The following NDC80 variants were observed in gnomAD, a reference collection of about 807,000 sequenced individuals.
NDC80 encodes NDC80 kinetochore complex component.
In NDC80, 69 loss-of-function variants were observed where a neutral mutation model predicts 89.3. That is an observed-to-expected ratio of 0.77 (90% CI 0.64 to 0.94). The LOEUF (loss-of-function observed/expected upper bound fraction) is 0.94, where lower values mean the gene tolerates loss of function less well. Ranked by LOEUF, NDC80 falls within the 40% of genes least tolerant of loss-of-function variation. The pLI is 0.00. For missense variants in NDC80, 593 were observed against 739.6 expected (o/e 0.80, Z 2.30); for synonymous variants, 243 against 255.6 (o/e 0.95, Z 0.47).
At chr18:2,607,965 G>GTATGTATATATATATA (rs1555618975) in intron 14 of NDC80, among the ~76,000 whole-genome samples, 1 of 68,152 alleles carries the variant, frequency 1.5e-5, no homozygotes, top group African/African-American at 5.6e-5. Context: ...TATATACATA[G>GTATGTATATATATATA]TATATATATA....
intron 13 of NDC80, among the ~76,000 whole-genome samples, chr18:2,604,070 A>G (rs1026781573): frequency 1.3e-5 from 2 of 152,238 alleles, no homozygotes; most frequent in Non-Finnish European, 2.9e-5. Context: ...TATGCAGCAA[A>G]TATTTTTTGA....
intron 11 of NDC80, 67 bp from the exon 12 acceptor site, chr18:2,598,952 A>G: frequency 1.4e-6 from 2 of 1,403,610 alleles, no homozygotes; most frequent in Non-Finnish European, 1.9e-6. Context: ...AATTTTAGAA[A>G]TGTCAATTGA....
At chr18:2,600,620 C>CAG (rs1213985618) in intron 12 of NDC80, among the ~76,000 whole-genome samples, 2 of 150,182 alleles carry the variant, frequency 1.3e-5, no homozygotes, top group Non-Finnish European at 3.0e-5. Context: ...AAAAAAAAAA[C>CAG]AGAGAGAGAG....
intron 6 of NDC80, 100 bp downstream of exon 6, chr18:2,579,129 T>G (rs192174728): frequency 2.1e-5 from 13 of 606,940 alleles, no homozygotes; most frequent in Middle Eastern, 3.2e-4. Flanking sequence ...TCTCAAAGTC[T>G]GCTTCAGAGT....
At chr18:2,598,217 A>G (rs558953943) in intron 11 of NDC80, among the ~76,000 whole-genome samples, 8 of 152,202 alleles carry the variant, frequency 5.3e-5, no homozygotes, top group South Asian at 2.1e-4. Flanking sequence ...TGGATGGGTA[A>G]TAACAATGAG....
intron 6 of NDC80, among the ~76,000 whole-genome samples, chr18:2,584,358 ATATT>A (rs1259374340): frequency 7.9e-5 from 12 of 151,084 alleles, no homozygotes; most frequent in Non-Finnish European, 1.6e-4. Flanking sequence ...AATAGATAAT[ATATT>A]TATATCTAGT....
In NDC80 at chr18:2,599,020, T is replaced by C. The variant is rs2072670951; in HGVS notation, c.1223T>C (p.Ile408Thr). ...GTCTTATGTGTTCTGTTCTTACAGA[T>C]TGAAACACAATTAGCAGAGTATCAC... ...ELKYARGKEAIETQLAEYHKL... is the reference protein window; with the variant it reads ...ELKYARGKEATETQLAEYHKL... The change falls in exon 12 of 17, where the codon ATT (isoleucine) becomes ACT (threonine). Residue 408 changes from isoleucine (I) to threonine (T), a missense_variant and splice_region_variant. Coordinates refer to ENST00000261597, the MANE Select transcript of NDC80 (RefSeq NM_006101.3). 6.2e-7 allele frequency: 1 copy of C among 1,603,586 alleles called. No homozygotes were observed. The highest frequency in any genetic ancestry group is 8.5e-7 in the Non-Finnish European group (1 of 1,175,576).
intron 7 of NDC80, among the ~76,000 whole-genome samples, chr18:2,585,637 T>A (rs1190741948): frequency 1.3e-5 from 2 of 152,194 alleles, no homozygotes; most frequent in East Asian, 3.8e-4. Flanking sequence ...TATTCTTCTG[T>A]AGAGTTGTTT....
rs375240200 is a variant in NDC80, at chr18:2,575,050, T to C, written c.163T>C (p.Ser55Pro). 34 of 1,610,774 alleles carry C rather than the reference T, an allele frequency of 2.1e-5. No individual in the cohort carries two copies. The highest frequency in any genetic ancestry group is 2.8e-5 in the Non-Finnish European group (33 of 1,177,924). ...CAAACCGACATCTGAAAGAAAAGTC[T>C]CGCTATTTGGCAAAAGGTAATTATA... The part of the protein sequence containing the change: ...INKPTSERKV[S>P]LFGKRTSGHG... The change falls in exon 3 of 17, where the codon TCG (serine) becomes CCG (proline). Residue 55 changes from serine (S) to proline (P), a missense_variant. Transcript: ENST00000261597.
At chr18:2,591,824 C>T (rs998925111) in intron 10 of NDC80, among the ~76,000 whole-genome samples, 16 of 151,124 alleles carry the variant, frequency 1.1e-4, no homozygotes, top group African/African-American at 1.7e-4. Flanking sequence ...GCACCATCTC[C>T]GCTCACTGCA....
At chr18:2,591,348 A>G (rs2143647363) in intron 10 of NDC80, among the ~76,000 whole-genome samples, 1 of 152,310 alleles carries the variant, frequency 6.6e-6, no homozygotes. Context: ...CAAGTCACAG[A>G]GCCACTGGGC....
intron 16 of NDC80, among the ~76,000 whole-genome samples, chr18:2,616,159 G>C (rs1239534945): frequency 1.3e-5 from 2 of 151,962 alleles, no homozygotes; most frequent in Non-Finnish European, 2.9e-5. Flanking sequence ...TGCATAGTTG[G>C]AATTACAGGC....
intron 13 of NDC80, among the ~76,000 whole-genome samples, chr18:2,606,083 A>G (rs950015966): frequency 3.3e-5 from 5 of 151,758 alleles, no homozygotes; most frequent in Non-Finnish European, 7.4e-5. Context: ...AAATAAAGCT[A>G]GATTTCAAAT....
Position 2,608,686 on chromosome 18 carries a change from C to A in NDC80, c.1558-14C>A. ...AATATCAAGAAACCCATAACCGTGA[C>A]TTTATCCTGATAGGAAGCAGAGGAA... On this transcript the variant is annotated splice_polypyrimidine_tract_variant and intron_variant, in intron 14 of 16. Transcript: ENST00000261597. 3 of 1,608,600 alleles carry A rather than the reference C, an allele frequency of 1.9e-6. No individual in the cohort carries two copies. The highest frequency in any genetic ancestry group is 2.6e-6 in the Non-Finnish European group (3 of 1,175,868).
chr18:2,585,072 T>G, intron 6 of NDC80, 41 bp from the exon 7 acceptor site: 1 of 1,516,178 alleles, frequency 6.6e-7, no homozygotes, highest in South Asian at 1.1e-5. Flanking sequence ...AAAGTTGTGT[T>G]TTTCAGATCA....
intron 6 of NDC80, among the ~76,000 whole-genome samples, chr18:2,579,480 T>C (rs2072565002): frequency 6.6e-6 from 1 of 152,170 alleles, no homozygotes. Flanking sequence ...CAGGCTGGAG[T>C]GCGGTGGCAT....
chr18:2,595,756 ACACT>A, intron 11 of NDC80, 135 bp downstream of exon 11: 2 of 608,800 alleles, frequency 3.3e-6, no homozygotes, highest in Non-Finnish European at 5.7e-6. Flanking sequence ...TTTTAATGAA[ACACT>A]CATCCCTTTA....
intron 5 of NDC80, among the ~76,000 whole-genome samples, chr18:2,578,563 G>T (rs1374275116): frequency 6.6e-6 from 1 of 152,134 alleles, no homozygotes; most frequent in Non-Finnish European, 1.5e-5. Context: ...CAGGATTCAC[G>T]CCTGGTGAAA....
chr18:2,572,729 C>T (rs143042898), intron 1 of NDC80, among the ~76,000 whole-genome samples: 1 of 152,298 alleles, frequency 6.6e-6, no homozygotes, highest in East Asian at 1.9e-4. Context: ...GCCTAGCACA[C>T]TCCCCTATAT....
Sources: gnomAD v4.1 joint callset for allele counts (sites outside exome capture counted in the v4.1 genomes callset) on GRCh38, gnomAD v4.1.1 for gene constraint, MANE v1.5 for transcripts, NCBI Gene and HGNC (gene_info 2026-07-23, HGNC 2026-07-21) for gene names.